Variants in NAV3 observed in about 807,000 individuals in gnomAD.
NAV3 encodes pore membrane and/or filament interacting like protein 1.
In NAV3, 87 loss-of-function variants were observed where a neutral mutation model predicts 244.7. That is an observed-to-expected ratio of 0.36 (90% confidence interval 0.30 to 0.42). NAV3 has a LOEUF of 0.42. Among genes scored for constraint, NAV3 ranks in the 20% least tolerant of loss-of-function variants. The probability of loss-of-function intolerance (pLI) is 1.00; values close to 1 mark genes in which losing one functional copy is unlikely to be tolerated. For missense variants in NAV3, 2,663 were observed against 2,893.3 expected, an observed-to-expected ratio of 0.92 and a Z score of 1.83; for synonymous variants, 1,126 against 1,042.2, an observed-to-expected ratio of 1.08 and a Z score of -1.55.
intron 1 of NAV3, among the ~76,000 whole-genome samples, chr12:77,925,699 G>C (rs913800273): frequency 3.3e-5 from 5 of 152,222 alleles, no homozygotes; most frequent in African/African-American, 1.2e-4. Flanking sequence ...CAGGTATGTG[G>C]ATCTAGCTCC....
chr12:78,064,397 G>GTCTC (rs1884716087), intron 12 of NAV3, among the ~76,000 whole-genome samples: 1 of 105,088 alleles, frequency 9.5e-6, no homozygotes, highest in Non-Finnish European at 2.2e-5. Flanking sequence ...ATCTATCTGT[G>GTCTC]TCTGTCTGTC....
rs568593361 is a variant in NAV3 at position 78,113,497 on chromosome 12, C to A, written c.2637-3275C>A. Among the ~76,000 whole-genome samples, 3 of 152,330 alleles carry A rather than the reference C, an allele frequency of 2.0e-5. No individual in the cohort carries two copies. The East Asian group carries it at 5.8e-4, about 29-fold the overall frequency. On this transcript the variant is annotated intron_variant, in intron 12 of 39. Transcript: ENST00000397909. ...CTTCTCTGCAAATGTAGGCTCAACA[C>A]CCCATGGAAGCTGGCAAAGCTTGGG...
chr12:77,882,115 C>T (rs999985858), intron 1 of NAV3, among the ~76,000 whole-genome samples: 2 of 152,018 alleles, frequency 1.3e-5, no homozygotes, highest in African/African-American at 4.8e-5. Context: ...GTCCGGACAG[C>T]CAAAGCGATC....
chr12:78,184,684 C>T (rs190141588), intron 30 of NAV3, among the ~76,000 whole-genome samples: 10 of 151,702 alleles, frequency 6.6e-5, no homozygotes, highest in Non-Finnish European at 1.0e-4. Flanking sequence ...TTCTATGATG[C>T]TATAGTCGTA....
At chr12:77,813,015 G>T (rs1872368455) in intron 2 of NAV3, among the ~76,000 whole-genome samples, 2 of 152,012 alleles carry the variant, frequency 1.3e-5, no homozygotes, top group Non-Finnish European at 2.9e-5. Flanking sequence ...TAGACACGGG[G>T]TTTTACCATG....
At chr12:77,835,595 C>T (rs1431514764) in intron 1 of NAV3, among the ~76,000 whole-genome samples, 2 of 152,152 alleles carry the variant, frequency 1.3e-5, no homozygotes, top group Admixed American at 6.5e-5. Context: ...CATAACTTGC[C>T]AGAAGTTGAG....
chr12:78,015,543 G>A (rs914195327), intron 8 of NAV3, among the ~76,000 whole-genome samples: 3 of 151,626 alleles, frequency 2.0e-5, no homozygotes, highest in African/African-American at 7.3e-5. Context: ...TTTTCCTGTT[G>A]CATTTCATTG....
At chr12:77,994,167 A>C (rs983804752) in intron 5 of NAV3, among the ~76,000 whole-genome samples, 1 of 152,226 alleles carries the variant, frequency 6.6e-6, no homozygotes, top group African/African-American at 2.4e-5. Context: ...GTATTTGTTA[A>C]GTTGTTTATG....
At chr12:78,054,489 G>A (rs1883198412) in intron 11 of NAV3, among the ~76,000 whole-genome samples, 1 of 152,186 alleles carries the variant, frequency 6.6e-6, no homozygotes, top group African/African-American at 2.4e-5. Context: ...CATGAGGATG[G>A]TGATGGCTTT....
chr12:78,177,536 C>A, intron 27 of NAV3, 84 bp from the exon 28 acceptor site: 1 of 1,329,116 alleles, frequency 7.5e-7, no homozygotes, highest in Non-Finnish European at 1.0e-6. Flanking sequence ...TTCTTGATCT[C>A]ATTCTCCAGT....
chr12:78,049,912 G>T, intron 9 of NAV3, 81 bp from the exon 10 acceptor site: 2 of 818,606 alleles, frequency 2.4e-6, no homozygotes, highest in South Asian at 1.7e-5. Flanking sequence ...TTAAGAAGAG[G>T]TGACTTAATT....
At chr12:77,777,830 G>A (rs1373804234) in intron 2 of NAV3, among the ~76,000 whole-genome samples, 7 of 149,228 alleles carry the variant, frequency 4.7e-5, no homozygotes, top group African/African-American at 1.5e-4. Flanking sequence ...TTTTTGAGAC[G>A]GAGTCTTGCT....
chr12:77,686,783 C>T (rs184651409), intron 2 of NAV3, among the ~76,000 whole-genome samples: 32 of 152,252 alleles, frequency 2.1e-4, no homozygotes, highest in Admixed American at 7.2e-4. Flanking sequence ...TTAACATACA[C>T]CACTGCCTGT....
rs879393857 is a variant in NAV3 at position 78,027,270 on chromosome 12, TA to T, written c.2023+5422del. Among the ~76,000 whole-genome samples, 975 of 141,480 alleles carry T rather than the reference TA, an allele frequency of 6.9e-3. 5 individuals carry two copies. The highest frequency in any genetic ancestry group is 0.01 in the Admixed American group (148 of 14,132). The allele number at this position is 141,480 out of a possible 152,430, so 92.8% of individuals were successfully genotyped here. A position where few individuals can be genotyped will look rare whatever the true frequency, so the allele number is the denominator to read the frequency against. On this transcript the variant is annotated intron_variant, in intron 9 of 39. Coordinates refer to ENST00000397909, the MANE Select transcript of NAV3 (RefSeq NM_001024383.2). ...GGACAACATAGTGAGACCCTGTCTC[TA>T]AAAAAAAAAAAAATTCAAATTGTTC...
chr12:78,030,601 T>A (rs1878816869), intron 9 of NAV3, among the ~76,000 whole-genome samples: 1 of 152,200 alleles, frequency 6.6e-6, no homozygotes, highest in Non-Finnish European at 1.5e-5. Flanking sequence ...TATTCCTCCA[T>A]CAGTCTTTTC....
In NAV3 at chr12:77,874,921, C is replaced by A. The variant is rs1169945260; in HGVS notation, c.243+43217C>A. ...GTTTACATCTTTCATGAAACGTGTA[C>A]AGAAGTATACATTAGAGGAAATGAA... On this transcript the variant is annotated intron_variant, in intron 1 of 39. Transcript: ENST00000397909. Among the ~76,000 whole-genome samples, 8 of 151,872 alleles carry A rather than the reference C, an allele frequency of 5.3e-5. No individual in the cohort carries two copies. The South Asian group carries it at 1.7e-3, about 32-fold the overall frequency.
chr12:78,037,327 A>G, intron 9 of NAV3: 1 of 702,996 alleles, frequency 1.4e-6, no homozygotes, highest in Non-Finnish European at 2.6e-6. Context: ...CATCTGGATG[A>G]GGAGGTGATC....
At chr12:78,179,216 A>C (rs1958393614) in intron 28 of NAV3, among the ~76,000 whole-genome samples, 1 of 152,158 alleles carries the variant, frequency 6.6e-6, no homozygotes, top group Admixed American at 6.6e-5. Flanking sequence ...GAAATGTAGT[A>C]ATCTATGACT....
intron 2 of NAV3, among the ~76,000 whole-genome samples, chr12:77,648,887 A>T (rs1491040): frequency 0.048 from 7,359 of 152,072 alleles, 309 homozygotes; most frequent in African/African-American, 0.11. Context: ...TGTAACATGT[A>T]TTGTTTCTGA....
Sources: gnomAD v4.1 joint callset for allele counts (sites outside exome capture counted in the v4.1 genomes callset) on GRCh38, gnomAD v4.1.1 for gene constraint, MANE v1.5 for transcripts, NCBI Gene and HGNC (gene_info 2026-07-23, HGNC 2026-07-21) for gene names.